Variants in UNC80 observed in about 807,000 individuals in gnomAD.
The protein encoded by UNC80 is protein unc-80 homolog.
UNC80 carries 164 observed loss-of-function variants against 384.6 expected under a neutral mutation model. That is an observed-to-expected ratio of 0.43 (90% CI 0.38 to 0.49). The LOEUF is 0.49. UNC80 is among the 20% of genes least tolerant of loss of function. The pLI, the probability that UNC80 is intolerant of heterozygous loss-of-function variation, is 0.00. For synonymous variants in UNC80, 1,486 were observed against 1,527.8 expected (o/e 0.97, Z 0.64); for missense variants, 3,330 against 4,143.0 (o/e 0.80, Z 5.39).
intron 16 of UNC80, among the ~76,000 whole-genome samples, chr2:209,833,413 T>C (rs939421993): frequency 4.6e-5 from 7 of 152,146 alleles, no homozygotes; most frequent in African/African-American, 1.7e-4. Flanking sequence ...AATATATTGG[T>C]TTTAATAGCC....
At chr2:209,818,858 C>A in intron 11 of UNC80, 135 bp from the exon 12 acceptor site, 2 of 1,047,282 alleles carry the variant, frequency 1.9e-6, no homozygotes, top group Non-Finnish European at 2.7e-6. Flanking sequence ...CTGAGACTAG[C>A]TTTGAGACTA....
At chr2:209,863,221 T>G (rs1270964530) in intron 22 of UNC80, among the ~76,000 whole-genome samples, 1 of 152,194 alleles carries the variant, frequency 6.6e-6, no homozygotes, top group Non-Finnish European at 1.5e-5. Flanking sequence ...CTGATGGGCT[T>G]CCCTTTGTAG....
Position 209,933,979 on chromosome 2 carries a change from A to G in UNC80, c.6152A>G (p.Lys2051Arg), listed in dbSNP as rs1043175508. 6.5e-7 allele frequency: 1 copy of G among 1,549,244 alleles called. No homozygotes were observed. ...ATGAAGAAGGAGCAGTGTGAGGTGA[A>G]GCTCCTGGTGACCGCTTCAATGCCA... The part of the protein sequence containing the change: ...QTMKKEQCEV[K>R]LLVTASMPGT... The change falls in exon 39 of 65, where the codon AAG becomes AGG. Residue 2051 changes from lysine to arginine, a missense_variant. Coordinates refer to ENST00000673920, the MANE Select transcript of UNC80 (RefSeq NM_001371986.1).
chr2:209,840,631 A>T lies in UNC80; in HGVS notation c.3340A>T (p.Ile1114Phe), dbSNP rs1425488779. 1.9e-6 allele frequency: 3 copies of T among 1,551,932 alleles called. No individual in the cohort carries two copies. In the African/African-American group the frequency reaches 4.1e-5, roughly 21 times the overall value. Reference protein sequence around the residue: ...DISSVDRLSFIRQSSKVKFTS... With the variant: ...DISSVDRLSFFRQSSKVKFTS... ...TAGCTCTGTGGACCGACTCTCTTTC[A>T]TCAGGCAAAGCTCCAAGGTAAACAG... The change falls in exon 20 of 65, where the codon ATC becomes TTC. Residue 1114 changes from isoleucine (I) to phenylalanine (F), a missense_variant. Physicochemically the swap from Ile to Phe is conservative, Grantham distance 21. Coordinates refer to ENST00000673920, the MANE Select transcript of UNC80 (RefSeq NM_001371986.1).
At chr2:209,939,698 A>G in intron 43 of UNC80, 46 bp downstream of exon 43, 1 of 1,454,692 alleles carries the variant, frequency 6.9e-7, no homozygotes, top group South Asian at 1.5e-5. Flanking sequence ...TTTCTAACAC[A>G]CTTGTTGTTT....
chr2:209,972,348 A>G, intron 55 of UNC80, 24 bp downstream of exon 55: 1 of 1,547,702 alleles, frequency 6.5e-7, no homozygotes, highest in Admixed American at 2.0e-5. Flanking sequence ...AACTAAAGGA[A>G]ATTTATCATT....
Position 209,969,802 on chromosome 2 carries a change from A to C in UNC80, c.8041A>C (p.Ile2681Leu). 1 of 1,551,642 alleles carries C rather than the reference A, an allele frequency of 6.4e-7. No individual in the cohort carries two copies. The highest frequency in any genetic ancestry group is 8.7e-7 in the Non-Finnish European group (1 of 1,146,976). ...TGAGTGGGAGCCTGCCAGCAATTTG[A>C]TTGAAGGGGTTTGTTTGACACTTCA... ...QVEWEPASNL[I>L]EGVCLTLQRQ... Residue 2681 changes from isoleucine to leucine, a missense_variant, in exon 53 of 65, where the codon ATT becomes CTT. By Grantham distance (5) the Ile-to-Leu change is conservative. Transcript: ENST00000673920.
chr2:209,814,267 G>C (rs1040611312), intron 8 of UNC80, among the ~76,000 whole-genome samples: 2 of 149,900 alleles, frequency 1.3e-5, no homozygotes, highest in Admixed American at 1.3e-4. Context: ...ATGAAGTCTC[G>C]CTCTGTCGCC....
intron 25 of UNC80, 60 bp downstream of exon 25, chr2:209,881,154 G>C: frequency 1.3e-6 from 2 of 1,498,330 alleles, no homozygotes; most frequent in Non-Finnish European, 8.9e-7. Context: ...CGTGTGTCTG[G>C]GTTTCCAAGA....
At chr2:209,808,571 C>T (rs986554245) in intron 7 of UNC80, among the ~76,000 whole-genome samples, 1 of 151,730 alleles carries the variant, frequency 6.6e-6, no homozygotes, top group African/African-American at 2.4e-5. Context: ...TGCTACTGCG[C>T]GAGCCCAGCC....
intron 60 of UNC80, among the ~76,000 whole-genome samples, chr2:209,983,300 T>A (rs962834492): frequency 1.3e-5 from 2 of 151,892 alleles, no homozygotes; most frequent in Admixed American, 6.6e-5. Context: ...AGCCCAAGTT[T>A]GGAGAATATC....
intron 22 of UNC80, among the ~76,000 whole-genome samples, chr2:209,862,190 G>T (rs9630977): frequency 0.16 from 24,543 of 152,056 alleles, 2,609 homozygotes; most frequent in African/African-American, 0.29. Flanking sequence ...AAATTTCCCT[G>T]TTAACACTGC....
At chr2:209,816,134 AC>A (rs2079719420) in intron 9 of UNC80, among the ~76,000 whole-genome samples, 1 of 152,230 alleles carries the variant, frequency 6.6e-6, no homozygotes, top group Admixed American at 6.5e-5. Flanking sequence ...TTTTCTTAAA[AC>A]ATTGATCATT....
rs2093479773 is a variant in UNC80, at chr2:209,996,091, G to A, written c.*496G>A. Reference sequence around the variant, plus strand: ...AATTAATAGGAAAAATATTACTTTGGGGAGACTAAATAACAAGCCTGCAGC... The same window carrying A: ...AATTAATAGGAAAAATATTACTTTGAGGAGACTAAATAACAAGCCTGCAGC... On this transcript the variant is annotated 3_prime_UTR_variant, in exon 65 of 65. Transcript: ENST00000673920. The A allele has an allele frequency of 6.5e-6, 1 of 153,526 alleles. No individual in the cohort carries two copies. Among genetic ancestry groups the A allele is most frequent in the Non-Finnish European group, 1.4e-5 (1 of 69,140 alleles). 9.5% of individuals were successfully genotyped at this position (153,526 alleles called of 1,614,324 possible).
At chr2:209,913,613 A>G (rs1574993110) in intron 30 of UNC80, among the ~76,000 whole-genome samples, 189 bp from the exon 31 acceptor site, 1 of 152,120 alleles carries the variant, frequency 6.6e-6, no homozygotes, top group South Asian at 2.1e-4. Flanking sequence ...TTTTCTAATT[A>G]TGCTTCAGTT....
At chr2:209,902,514 G>C (rs2087530258) in intron 28 of UNC80, among the ~76,000 whole-genome samples, 1 of 152,106 alleles carries the variant, frequency 6.6e-6, no homozygotes, top group Admixed American at 6.6e-5. Flanking sequence ...TTCATGAAAA[G>C]AACAGTCAAT....
chr2:209,787,160 A>T (rs1232705745), intron 5 of UNC80, among the ~76,000 whole-genome samples: 2 of 111,292 alleles, frequency 1.8e-5, no homozygotes, highest in African/African-American at 1.0e-4. Flanking sequence ...AAGAAACCAG[A>T]CTCAGCTTAG....
At chr2:209,941,630 C>A in intron 44 of UNC80, 141 bp downstream of exon 44, 1 of 1,031,686 alleles carries the variant, frequency 9.7e-7, no homozygotes, top group Non-Finnish European at 1.3e-6. Context: ...CAAATGAAAT[C>A]CCCCCATAAA....
chr2:209,888,910 G>A (rs2086081380), intron 26 of UNC80, among the ~76,000 whole-genome samples: 4 of 151,932 alleles, frequency 2.6e-5, no homozygotes, highest in Admixed American at 1.3e-4. Flanking sequence ...CGAAATTCTT[G>A]GGGACCATTA....
Sources: allele counts gnomAD v4.1 joint callset (sites outside exome capture counted in the v4.1 genomes callset), GRCh38; gene constraint gnomAD v4.1.1; transcripts MANE v1.5; gene names NCBI Gene and HGNC (gene_info 2026-07-23, HGNC 2026-07-21).